Variants in DSCAM observed in about 807,000 individuals in gnomAD.
The protein encoded by DSCAM is cell adhesion molecule DSCAM.
Under a neutral mutation model 217.7 loss-of-function variants are expected in DSCAM, and 47 were observed. That is an observed-to-expected ratio of 0.22 (90% CI 0.17 to 0.28). The LOEUF is 0.28. Among genes scored for constraint, DSCAM ranks in the 10% least tolerant of loss-of-function variants. The pLI is 1.00. For synonymous variants in DSCAM, 1,056 were observed against 1,015.3 expected (o/e 1.04, Z -0.76); for missense variants, 2,080 against 2,618.3 (o/e 0.79, Z 4.49).
chr21:40,137,913 T>C (rs1745331903), intron 18 of DSCAM, among the ~76,000 whole-genome samples: 1 of 152,146 alleles, frequency 6.6e-6, no homozygotes, highest in Non-Finnish European at 1.5e-5. Flanking sequence ...ATTTTTTCCA[T>C]GAAGAAAGAT....
At chr21:40,751,530 A>T (rs2091228900) in intron 1 of DSCAM, among the ~76,000 whole-genome samples, 1 of 152,226 alleles carries the variant, frequency 6.6e-6, no homozygotes, top group Non-Finnish European at 1.5e-5. Context: ...GTGGAGAACA[A>T]AGCTAGTCCC....
At chr21:40,586,851 A>G (rs960817892) in intron 3 of DSCAM, among the ~76,000 whole-genome samples, 3 of 152,210 alleles carry the variant, frequency 2.0e-5, no homozygotes, top group African/African-American at 7.2e-5. Context: ...CAGTCTTAAT[A>G]GCATATAATT....
intron 3 of DSCAM, among the ~76,000 whole-genome samples, chr21:40,564,209 G>A (rs2076747992): frequency 6.6e-6 from 1 of 152,194 alleles, no homozygotes. Flanking sequence ...TCAGAGGAAA[G>A]TACACAGTTA....
chr21:40,361,149 C>T (rs931094165), intron 4 of DSCAM, among the ~76,000 whole-genome samples: 1 of 149,566 alleles, frequency 6.7e-6, no homozygotes, highest in Non-Finnish European at 1.5e-5. Context: ...ATATATATTA[C>T]AAAAATTATT....
chr21:40,614,782 G>A (rs150287627), intron 3 of DSCAM, among the ~76,000 whole-genome samples: 77 of 152,254 alleles, frequency 5.1e-4, no homozygotes, highest in African/African-American at 1.8e-3. Context: ...GAAGAATATT[G>A]CAGGTCGATG....
intron 11 of DSCAM, among the ~76,000 whole-genome samples, chr21:40,216,495 C>T (rs1162328963): frequency 6.6e-6 from 1 of 152,004 alleles, no homozygotes; most frequent in Non-Finnish European, 1.5e-5. Flanking sequence ...AGGCAAAGTC[C>T]GTCTATTTTA....
At chr21:40,017,267 T>G (rs1278310303) in intron 32 of DSCAM, among the ~76,000 whole-genome samples, 1 of 152,212 alleles carries the variant, frequency 6.6e-6, no homozygotes, top group African/African-American at 2.4e-5. Flanking sequence ...ACCTTATTTT[T>G]GGGAAATGCA....
intron 11 of DSCAM, among the ~76,000 whole-genome samples, chr21:40,234,877 AG>A (rs1236431394): frequency 1.3e-5 from 2 of 152,118 alleles, no homozygotes; most frequent in African/African-American, 4.8e-5. Flanking sequence ...AGGTCACAGG[AG>A]GCTTCTTGGT....
At chr21:40,410,491 CA>C (rs937730980) in intron 3 of DSCAM, among the ~76,000 whole-genome samples, 1 of 151,056 alleles carries the variant, frequency 6.6e-6, no homozygotes, top group African/African-American at 2.4e-5. Context: ...TAAATAGTTC[CA>C]AAGTTGATGA....
Position 40,069,600 on chromosome 21 carries a change from C to T in DSCAM, c.4888+5437G>A, listed in dbSNP as rs114217555. 4.6e-3 allele frequency among the ~76,000 whole-genome samples: 707 copies of T among 152,286 alleles called. 7 individuals are homozygous for T. Among genetic ancestry groups the T allele is most frequent in the African/African-American group, 0.016 (652 of 41,560 alleles). ...AGTTCTAGTTACGTAAAATGGAAGA[C>T]GCTTAGGTTAATACTTCTACTGGGC... On this transcript the variant is annotated intron_variant, in intron 27 of 32. Transcript: ENST00000400454.
intron 11 of DSCAM, among the ~76,000 whole-genome samples, chr21:40,257,086 T>C (rs1424398180): frequency 6.6e-6 from 1 of 152,216 alleles, no homozygotes; most frequent in Non-Finnish European, 1.5e-5. Context: ...ATGTATCATA[T>C]GTTATATGAT....
At chr21:40,431,459 T>C (rs1360591689) in intron 3 of DSCAM, among the ~76,000 whole-genome samples, 3 of 149,564 alleles carry the variant, frequency 2.0e-5, no homozygotes, top group East Asian at 3.9e-4. Context: ...AAGACCTTTA[T>C]GACTCCTCAG....
intron 3 of DSCAM, among the ~76,000 whole-genome samples, chr21:40,493,817 C>T (rs532228522): frequency 3.5e-4 from 51 of 146,998 alleles, no homozygotes; most frequent in African/African-American, 1.2e-3. Context: ...GAGTCAAGAT[C>T]GTGCCATTGC....
chr21:40,116,281 A>G (rs776041708), intron 20 of DSCAM, among the ~76,000 whole-genome samples: 1 of 152,204 alleles, frequency 6.6e-6, no homozygotes, highest in Non-Finnish European at 1.5e-5. Context: ...GTTTACCTAT[A>G]TAAGAAATCT....
At chr21:40,196,937 A>G (rs2091016635) in intron 11 of DSCAM, among the ~76,000 whole-genome samples, 1 of 152,238 alleles carries the variant, frequency 6.6e-6, no homozygotes, top group South Asian at 2.1e-4. Flanking sequence ...TAGACAAAAC[A>G]TTTCCAGCAG....
intron 3 of DSCAM, among the ~76,000 whole-genome samples, chr21:40,553,569 T>C (rs962678827): frequency 6.6e-6 from 1 of 152,230 alleles, no homozygotes; most frequent in African/African-American, 2.4e-5. Context: ...AATAAGATTT[T>C]TACATATATA....
intron 20 of DSCAM, among the ~76,000 whole-genome samples, chr21:40,105,812 C>T (rs1250938104): frequency 2.0e-5 from 3 of 152,110 alleles, no homozygotes; most frequent in Non-Finnish European, 4.4e-5. Context: ...AAAAATTGCA[C>T]ACAAAAAACT....
intron 3 of DSCAM, among the ~76,000 whole-genome samples, chr21:40,509,172 T>C (rs2076238784): frequency 6.6e-6 from 1 of 152,092 alleles, no homozygotes; most frequent in South Asian, 2.1e-4. Flanking sequence ...TCCGTGAGTG[T>C]CACTTGTTAC....
At chr21:40,186,583 G>A (rs1045353687) in intron 14 of DSCAM, among the ~76,000 whole-genome samples, 3 of 152,276 alleles carry the variant, frequency 2.0e-5, no homozygotes, top group Admixed American at 6.5e-5. Flanking sequence ...GCTCTGGGCC[G>A]AGTGGTCCTG....
Sources: gnomAD v4.1 joint callset for allele counts (sites outside exome capture counted in the v4.1 genomes callset) on GRCh38, gnomAD v4.1.1 for gene constraint, MANE v1.5 for transcripts, NCBI Gene and HGNC (gene_info 2026-07-23, HGNC 2026-07-21) for gene names.